Variants in SS18L1 observed in about 807,000 individuals in gnomAD.
The protein encoded by SS18L1 is SS18L1 subunit of BAF chromatin remodeling complex.
Under a neutral mutation model 70.3 loss-of-function variants are expected in SS18L1, and 32 were observed. The observed-to-expected ratio is 0.46, with a 90% CI of 0.34 to 0.61. The LOEUF (loss-of-function observed/expected upper bound fraction) is 0.61. Among genes scored for constraint, SS18L1 ranks in the 20% least tolerant of loss-of-function variants. The pLI is 0.01. For synonymous variants in SS18L1, 237 were observed against 229.7 expected, an observed-to-expected ratio of 1.03 and a Z score of -0.29; for missense variants, 430 against 542.1, an observed-to-expected ratio of 0.79 and a Z score of 2.05.
chr20:62,147,922 G>A (rs995030367), intron 1 of SS18L1, among the ~76,000 whole-genome samples: 1 of 152,206 alleles, frequency 6.6e-6, no homozygotes, highest in Non-Finnish European at 1.5e-5. Flanking sequence ...CACCCAGTAG[G>A]CAGTGGGCAC....
intron 8 of SS18L1, among the ~76,000 whole-genome samples, chr20:62,168,847 T>C (rs1424161858): frequency 1.3e-5 from 2 of 152,156 alleles, no homozygotes; most frequent in Non-Finnish European, 2.9e-5. Context: ...TTTTGAGTCA[T>C]CCCACAGCAG....
At chr20:62,146,342 G>A (rs200307782) in intron 1 of SS18L1, among the ~76,000 whole-genome samples, 57 of 152,344 alleles carry the variant, frequency 3.7e-4, no homozygotes, top group Admixed American at 1.2e-3. Context: ...TGCTGAGCAC[G>A]TGCTGGATCA....
intron 10 of SS18L1, chr20:62,175,281 G>A: frequency 1.0e-6 from 1 of 985,448 alleles, no homozygotes; most frequent in Non-Finnish European, 1.2e-6. Context: ...GGGACAGTGA[G>A]GAGGCCGGTG....
chr20:62,157,876 C>CTGTGTGTGTGTGTG (rs147250445), intron 1 of SS18L1, among the ~76,000 whole-genome samples: 3 of 151,714 alleles, frequency 2.0e-5, no homozygotes, highest in African/African-American at 7.3e-5. Flanking sequence ...CCACGCCGGC[C>CTGTGTGTGTGTGTG]TGTGTGTGTG....
intron 1 of SS18L1, among the ~76,000 whole-genome samples, chr20:62,152,534 A>C (rs2057152969): frequency 6.6e-6 from 1 of 152,172 alleles, no homozygotes; most frequent in Admixed American, 6.5e-5. Flanking sequence ...GGGTGGGGAG[A>C]ACTGTATCTC....
chr20:62,155,167 G>C (rs1162370735), intron 1 of SS18L1, among the ~76,000 whole-genome samples: 1 of 152,202 alleles, frequency 6.6e-6, no homozygotes. Context: ...TGGGGAGGCA[G>C]AGGCGGGCAG....
chr20:62,172,598 G>C lies in SS18L1; in HGVS notation c.917-84G>C, dbSNP rs570848443. ...ATGGATTTGGTTTTGGGATTCCAAA[G>C]TTACCGTGTCGTGAGTGGGCCACAG... On this transcript the variant is annotated intron_variant, in intron 8 of 10. Transcript: ENST00000331758. The C allele has an allele frequency of 1.0e-4, 167 of 1,598,246 alleles. No homozygotes were observed. The African/African-American group carries it at 2.0e-3, about 19-fold the overall frequency.
chr20:62,148,458 T>TAGGTC (rs1352522845), intron 1 of SS18L1, among the ~76,000 whole-genome samples: 3 of 135,330 alleles, frequency 2.2e-5, no homozygotes, highest in East Asian at 2.5e-4. Context: ...CTTGCTGTCT[T>TAGGTC]AGGTGAGGGA....
Position 62,163,498 on chromosome 20 carries a change from C to G in SS18L1, c.597C>G (p.Ser199Arg), listed in dbSNP as rs2057369940. Residue 199 changes from serine to arginine, a missense_variant, in exon 6 of 11, where the codon AGC becomes AGG. Transcript: ENST00000331758. Reference protein sequence around the residue: ...MQQQAATSHYSSAQGGSQHYQ... With the variant: ...MQQQAATSHYRSAQGGSQHYQ... Reference sequence around the variant, plus strand: ...AGCAGGCGGCCACGTCGCACTACAGCTCGGCGCAGGGCGGCAGCCAGCACT... The same window carrying G: ...AGCAGGCGGCCACGTCGCACTACAGGTCGGCGCAGGGCGGCAGCCAGCACT... 2 of 1,612,246 alleles carry G rather than the reference C, an allele frequency of 1.2e-6. No individual in the cohort carries two copies. Among genetic ancestry groups the G allele is most frequent in the Non-Finnish European group, 1.7e-6 (2 of 1,179,862 alleles).
In SS18L1 at chr20:62,158,994, A is replaced by G. The variant is rs922462448; in HGVS notation, c.146+246A>G. On this transcript the variant is annotated intron_variant, in intron 2 of 10. Coordinates refer to ENST00000331758, the MANE Select transcript of SS18L1 (RefSeq NM_198935.3). This position sits in a 1 kb window ranked among gnomAD's most constrained non-coding sequence, Gnocchi z 4.5. ...GCACGGAGGCCAGATATGTCCCGAGAGTCCCCCAGCACGGAGGCCAGATAT... is the reference window on the plus strand; with the variant it reads ...GCACGGAGGCCAGATATGTCCCGAGGGTCCCCCAGCACGGAGGCCAGATAT... 5 of 1,532,566 alleles carry G rather than the reference A, an allele frequency of 3.3e-6. No individual in the cohort carries two copies. The highest frequency in any genetic ancestry group is 2.6e-6 in the Non-Finnish European group (3 of 1,138,492). The allele number at this position is 1,532,566 out of a possible 1,614,324, so 94.9% of individuals were successfully genotyped here.
At chr20:62,146,377 G>C (rs1161952525) in intron 1 of SS18L1, among the ~76,000 whole-genome samples, 2 of 152,168 alleles carry the variant, frequency 1.3e-5, no homozygotes, top group African/African-American at 4.8e-5. Flanking sequence ...CCCATCAGTG[G>C]AAGCGTTTTG....
Position 62,154,901 on chromosome 20 carries a change from G to A in SS18L1, c.70-3771G>A, listed in dbSNP as rs115269306. 3.9e-3 allele frequency among the ~76,000 whole-genome samples: 595 copies of A among 152,164 alleles called. 2 individuals are homozygous for A. Among genetic ancestry groups the A allele is most frequent in the African/African-American group, 0.012 (507 of 41,496 alleles). The stretch of plus-strand genomic sequence containing the variant: ...TTTCTGTTTTCACCTCGGTCGATCC[G>A]TCCTGCTTTCCAGGACTCCTCCTCA... On this transcript the variant is annotated intron_variant, in intron 1 of 10. Transcript: ENST00000331758.
chr20:62,177,382 G>A (rs902062969), intron 10 of SS18L1, among the ~76,000 whole-genome samples: 10 of 152,042 alleles, frequency 6.6e-5, no homozygotes, highest in Non-Finnish European at 1.2e-4. Context: ...GAGGCTTTCC[G>A]TCTTACCCAA....
chr20:62,148,510 C>T (rs1452692483), intron 1 of SS18L1, among the ~76,000 whole-genome samples: 3 of 147,980 alleles, frequency 2.0e-5, no homozygotes, highest in Non-Finnish European at 3.0e-5. Flanking sequence ...GAGGGAGGCT[C>T]GGCCTCCTTG....
chr20:62,172,853 G>C, intron 9 of SS18L1, 52 bp downstream of exon 9: 1 of 1,593,888 alleles, frequency 6.3e-7, no homozygotes. Context: ...CCCTGCCCCT[G>C]CCACACATGG....
At position 62,161,162 on chromosome 20, in the gene SS18L1, G is replaced by T. The variant is rs1231558587; in HGVS notation, c.232-274G>T. ...AAGGGGTTCCCTGCTGTCCCAGGAG[G>T]AGGTCCAGCTTTTCACACCCAGGCA... is the stretch of plus-strand genomic sequence containing the variant. On this transcript the variant is annotated intron_variant, in intron 3 of 10. Coordinates refer to ENST00000331758, the MANE Select transcript of SS18L1 (RefSeq NM_198935.3). This position sits in a 1 kb window ranked among gnomAD's most constrained non-coding sequence, Gnocchi z 4.4. 6.6e-6 allele frequency among the ~76,000 whole-genome samples: 1 copy of T among 151,416 alleles called. No homozygotes were observed. Among genetic ancestry groups the T allele is most frequent in the East Asian group, 1.9e-4 (1 of 5,154 alleles).
At position 62,164,167 on chromosome 20, in the gene SS18L1, C is replaced by T. The variant is rs955611004; in HGVS notation, c.744C>T (p.Gly248=). 5.8e-6 allele frequency: 9 copies of T among 1,550,016 alleles called. No individual in the cohort carries two copies. Among genetic ancestry groups the T allele is most frequent in the East Asian group, 4.9e-5 (2 of 40,922 alleles). Residue 248 remains glycine, a synonymous_variant, in exon 7 of 11, where the codon GGC becomes GGT. Coordinates refer to ENST00000331758, the MANE Select transcript of SS18L1 (RefSeq NM_198935.3). ...SQQGSSQQYL[G]QEEYYGEQYS... ...CAGGCTCTTCCCAGCAGTACCTGGG[C>T]CAGGAGGAGTACTATGGCGAGCAGT...
intron 10 of SS18L1, 59 bp from the exon 11 acceptor site, chr20:62,179,123 G>C: frequency 6.3e-7 from 1 of 1,597,930 alleles, no homozygotes; most frequent in South Asian, 1.1e-5. Flanking sequence ...TGGGGTGGAC[G>C]TCTGTCTTCC....
intron 8 of SS18L1, among the ~76,000 whole-genome samples, chr20:62,168,236 G>T (rs1287112108): frequency 2.6e-5 from 4 of 152,094 alleles, no homozygotes; most frequent in African/African-American, 9.7e-5. Flanking sequence ...AGATGGTGTG[G>T]TTTCCTCCTT....
Sources: gnomAD v4.1 joint callset for allele counts (sites outside exome capture counted in the v4.1 genomes callset) on GRCh38, gnomAD v4.1.1 for gene constraint, Gnocchi (gnomAD v3.1) non-coding constraint, MANE v1.5 for transcripts, NCBI Gene and HGNC (gene_info 2026-07-23, HGNC 2026-07-21) for gene names.